SNHG17: variants seen among roughly 807,000 people sequenced by gnomAD.
SNHG17 encodes small nucleolar RNA host gene 17, also known as small nucleolar RNA host gene 17 (non-protein coding).
intron 4 of SNHG17, among the ~76,000 whole-genome samples, chr20:38,426,264 T>G (rs2084247329): frequency 6.6e-6 from 1 of 150,866 alleles, no homozygotes; most frequent in Non-Finnish European, 1.5e-5. Flanking sequence ...AGTCGCAGAG[T>G]TCGAGGAAAA....
chr20:38,425,790 C>G (rs542442108), intron 5 of SNHG17: 1 of 156,162 alleles, frequency 6.4e-6, no homozygotes, highest in Non-Finnish European at 1.4e-5. Context: ...CAGGCCTGGA[C>G]TTACTATCCA....
At chr20:38,424,537 C>G (rs1469827519) in intron 5 of SNHG17, among the ~76,000 whole-genome samples, 2 of 152,172 alleles carry the variant, frequency 1.3e-5, no homozygotes, top group South Asian at 2.1e-4. Flanking sequence ...GCCTTGTCAC[C>G]TTACAACAAT....
chr20:38,424,440 C>T lies in SNHG17; in HGVS notation n.579+1495G>A, dbSNP rs569429305. On this transcript the variant is annotated intron_variant and non_coding_transcript_variant, in intron 5 of 8. Coordinates refer to ENST00000654008, the Ensembl canonical transcript of SNHG17. ...AAATCCACCTCTGGTAGACCATGGA[C>T]GCTCCTCACAGCCAGGACTGAAGGT... Among the ~76,000 whole-genome samples, 27 of 152,306 alleles carry T rather than the reference C, an allele frequency of 1.8e-4. No homozygotes were observed. The East Asian group carries it at 4.1e-3, about 23-fold the overall frequency.
At chr20:38,428,176 T>C (rs12479998) in intron 3 of SNHG17, 9,615 of 152,332 alleles carry the variant, frequency 0.063, 409 homozygotes, top group Middle Eastern at 0.15. Flanking sequence ...CTTTCCATTA[T>C]GACATGCTGC....
At chr20:38,431,740 G>A (rs2122724618) in intron 2 of SNHG17, among the ~76,000 whole-genome samples, 1 of 152,340 alleles carries the variant, frequency 6.6e-6, no homozygotes, top group Non-Finnish European at 1.5e-5. Context: ...AGGTAGGTTT[G>A]ATGCCAAAGC....
At chr20:38,429,655 G>C (rs1489587022) in intron 3 of SNHG17, 1 of 487,778 alleles carries the variant, frequency 2.1e-6, no homozygotes, top group Non-Finnish European at 4.0e-6. Context: ...CTAAGACGTG[G>C]TGGGAGGGAG....
chr20:38,432,144 A>G (rs1395190946), intron 2 of SNHG17: 19 of 985,350 alleles, frequency 1.9e-5, no homozygotes, highest in Non-Finnish European at 2.2e-5. Context: ...TGGAAAGGAC[A>G]AGGAGAGTAC....
At position 38,429,276 on chromosome 20, in the gene SNHG17, C is replaced by T. The variant is rs940962594; in HGVS notation, n.380+1765G>A. The T allele has an allele frequency of 6.4e-4, 99 of 155,074 alleles. 1 individual carries two copies. Among genetic ancestry groups the T allele is most frequent in the Non-Finnish European group, 2.1e-4 (15 of 70,246 alleles). 9.6% of individuals were successfully genotyped at this position (155,074 alleles called of 1,614,324 possible). ...ATAGAGGCGGGGTTGCCCAGGCTGC[C>T]GTTTTTCCTTTGTCCCACACTGTCA... On this transcript the variant is annotated intron_variant and non_coding_transcript_variant, in intron 3 of 8. Transcript: ENST00000654008.
intron 1 of SNHG17, chr20:38,435,077 CAA>C (rs2084409664): frequency 1.6e-6 from 2 of 1,231,984 alleles, no homozygotes; most frequent in African/African-American, 3.1e-5. Context: ...CTCACTCCGG[CAA>C]AGAGGACGAG....
chr20:38,420,637 C>T (rs1026704176), exon 8 of SNHG17: 1 of 152,224 alleles, frequency 6.6e-6, no homozygotes, highest in Non-Finnish European at 1.5e-5. Context: ...AAGTGAACGA[C>T]AGCTACAAAT....
At chr20:38,434,838 G>C (rs2084404803) in intron 1 of SNHG17, 1 of 985,240 alleles carries the variant, frequency 1.0e-6, no homozygotes, top group Non-Finnish European at 1.2e-6. Context: ...CTGGCACTTT[G>C]TAGGCAACAG....
exon 6 of SNHG17, chr20:38,422,160 C>T (rs2084165183): frequency 1.3e-5 from 2 of 152,350 alleles, no homozygotes; most frequent in South Asian, 2.1e-4. Flanking sequence ...AGCCCCACAG[C>T]AGGACAGAAC....
intron 1 of SNHG17, chr20:38,434,981 C>T (rs768650607): frequency 3.3e-5 from 41 of 1,229,442 alleles, no homozygotes; most frequent in East Asian, 1.3e-4. Flanking sequence ...GTCTGACGAC[C>T]GCACGTGGCC....
intron 5 of SNHG17, chr20:38,425,387 G>A (rs2084229244): frequency 2.0e-6 from 1 of 495,404 alleles, no homozygotes; most frequent in Non-Finnish European, 4.1e-6. Context: ...AGCTTAGGAA[G>A]GGCCCAAACT....
At chr20:38,427,467 A>G (rs1485926973) in intron 3 of SNHG17, 1 of 509,174 alleles carries the variant, frequency 2.0e-6, no homozygotes, top group Admixed American at 2.0e-5. Flanking sequence ...GAGAGCCAGG[A>G]AGGGCAGGAG....
chr20:38,429,647 A>G, intron 3 of SNHG17: 1 of 484,728 alleles, frequency 2.1e-6, no homozygotes, highest in Non-Finnish European at 4.0e-6. Context: ...GGAGCCATCT[A>G]AGACGTGGTG....
chr20:38,427,036 G>C (rs2122703253), intron 3 of SNHG17, among the ~76,000 whole-genome samples: 1 of 132,844 alleles, frequency 7.5e-6, no homozygotes, highest in African/African-American at 3.5e-5. Flanking sequence ...ACACACACGG[G>C]GTCAGCCCTG....
intron 3 of SNHG17, chr20:38,427,405 T>G (rs766672606): frequency 1.9e-6 from 1 of 518,570 alleles, no homozygotes; most frequent in African/African-American, 1.9e-5. Flanking sequence ...ATCAATGACC[T>G]AGGCACAGGC....
chr20:38,427,564 A>T, intron 3 of SNHG17: 1 of 258,420 alleles, frequency 3.9e-6, no homozygotes, highest in Non-Finnish European at 8.0e-6. Flanking sequence ...ATCCCATAAA[A>T]CCTAACCACC....
Sources: allele counts gnomAD v4.1 joint callset (sites outside exome capture counted in the v4.1 genomes callset), GRCh38; gene constraint gnomAD v4.1.1; transcripts MANE v1.5; gene names NCBI Gene and HGNC (gene_info 2026-07-23, HGNC 2026-07-21).